ACLY: variants seen among roughly 807,000 people sequenced by gnomAD.
The protein encoded by ACLY is ATP-citrate synthase.
A neutral mutation model predicts 133.0 loss-of-function variants in ACLY; 41 were observed. That is an observed-to-expected ratio of 0.31 (90% CI 0.24 to 0.40). ACLY has a LOEUF of 0.40. Ranked by LOEUF, ACLY falls within the 10% of genes least tolerant of loss-of-function variation. The pLI is 1.00. For synonymous variants in ACLY, 495 were observed against 549.3 expected (o/e 0.90, Z 1.38); for missense variants, 1,046 against 1,453.8 (o/e 0.72, Z 4.56).
At chr17:41,925,458 A>G (rs1240082493) in intron 1 of ACLY, among the ~76,000 whole-genome samples, 1 of 150,818 alleles carries the variant, frequency 6.6e-6, no homozygotes, top group Non-Finnish European at 1.5e-5. Flanking sequence ...AAAAAACCCA[A>G]AAATTAGCAG....
chr17:41,874,574 C>CT lies in ACLY; in HGVS notation c.2488-610dup, dbSNP rs1172812451. Among the ~76,000 whole-genome samples, 1,280 of 130,358 alleles carry CT rather than the reference C, an allele frequency of 9.8e-3. 11 individuals are homozygous for CT. The highest frequency in any genetic ancestry group is 0.021 in the Admixed American group (266 of 12,790). The allele number at this position is 130,358 out of a possible 152,430, so 85.5% of individuals were successfully genotyped here. On this transcript the variant is annotated intron_variant, in intron 22 of 28. Transcript: ENST00000352035. The stretch of plus-strand genomic sequence containing the variant: ...AGGCGTGAGACCCAGTCCATTGCTT[C>CT]TTTTTTTTTTTTTTTTTGAGACGCA...
At chr17:41,899,679 A>G (rs1035610640) in intron 11 of ACLY, among the ~76,000 whole-genome samples, 1 of 152,180 alleles carries the variant, frequency 6.6e-6, no homozygotes, top group Admixed American at 6.5e-5. Context: ...TTTTAAGAGC[A>G]TGATCTGGTA....
In ACLY at chr17:41,907,589, G is replaced by A. The variant is rs375324022; in HGVS notation, c.617-17C>T. 2.5e-6 allele frequency: 4 copies of A among 1,611,042 alleles called. No individual in the cohort carries two copies. The African/African-American group carries it at 5.3e-5, about 22-fold the overall frequency. ...TGGTCACTACTTCAAGGGGAGCAGAGGCAATCATCAGACACCGGCTCTGGG... is the reference window on the plus strand; with the variant it reads ...TGGTCACTACTTCAAGGGGAGCAGAAGCAATCATCAGACACCGGCTCTGGG... On this transcript the variant is annotated splice_polypyrimidine_tract_variant and intron_variant, in intron 6 of 28. Transcript: ENST00000352035.
intron 14 of ACLY, among the ~76,000 whole-genome samples, chr17:41,893,409 G>A (rs1036455409): frequency 3.3e-5 from 5 of 152,212 alleles, no homozygotes; most frequent in Non-Finnish European, 7.3e-5. Context: ...CCTGCTAGCT[G>A]GTAAGTAGCT....
chr17:41,923,292 C>A (rs1284999103), upstream of ACLY, among the ~76,000 whole-genome samples: 4 of 152,224 alleles, frequency 2.6e-5, no homozygotes, highest in African/African-American at 9.7e-5. Flanking sequence ...GTTATAGGCA[C>A]CATCTCCAAG....
intron 11 of ACLY, among the ~76,000 whole-genome samples, chr17:41,899,234 G>A (rs147174249): frequency 3.1e-3 from 474 of 151,578 alleles, no homozygotes; most frequent in Non-Finnish European, 5.6e-3. Context: ...CTGAGATTGC[G>A]CCACTGCACT....
chr17:41,907,457 C>G lies in ACLY; in HGVS notation c.732G>C (p.Arg244=), dbSNP rs141704215. The change falls in exon 7 of 29, where the codon CGG becomes CGC. Residue 244 remains arginine (R), a synonymous_variant. Transcript: ENST00000352035. ...GDIEFPPPFG[R]EAYPEEAYIA... The stretch of plus-strand genomic sequence containing the variant: ...CCAGCCTTACCTCTGGATATGCCTC[C>G]CGCCCGAAGGGGGGAGGGAACTCGA... 5.6e-5 allele frequency: 91 copies of G among 1,613,996 alleles called. No individual in the cohort carries two copies. The African/African-American group carries it at 1.2e-3, about 21-fold the overall frequency.
chr17:41,899,670 T>C (rs1363089329), intron 11 of ACLY, among the ~76,000 whole-genome samples: 1 of 152,122 alleles, frequency 6.6e-6, no homozygotes, highest in Non-Finnish European at 1.5e-5. Context: ...ATGTTCTAAT[T>C]TTAAGAGCAT....
intron 18 of ACLY, 139 bp from the exon 19 acceptor site, chr17:41,884,413 C>T: frequency 1.7e-6 from 1 of 604,524 alleles, no homozygotes; most frequent in East Asian, 2.7e-5. Flanking sequence ...CAGAGATGCC[C>T]CAGCAATAAT....
chr17:41,875,723 C>T (rs567764670), intron 22 of ACLY, among the ~76,000 whole-genome samples: 349 of 152,296 alleles, frequency 2.3e-3, no homozygotes, highest in Middle Eastern at 6.8e-3. Context: ...GGATTGCAGA[C>T]GGAGTCTCGT....
intron 11 of ACLY, among the ~76,000 whole-genome samples, chr17:41,900,561 A>AT (rs546570598): frequency 5.6e-4 from 82 of 145,568 alleles, no homozygotes; most frequent in African/African-American, 7.0e-4. Flanking sequence ...CTCACAACAA[A>AT]TTTTTTTTTT....
intron 22 of ACLY, among the ~76,000 whole-genome samples, chr17:41,874,572 TTC>T (rs550779983): frequency 7.0e-6 from 1 of 141,870 alleles, no homozygotes; most frequent in Non-Finnish European, 1.5e-5. Flanking sequence ...AGTCCATTGC[TTC>T]TTTTTTTTTT....
intron 11 of ACLY, 107 bp downstream of exon 11, chr17:41,901,589 G>T (rs948331158): frequency 1.1e-6 from 1 of 895,764 alleles, no homozygotes; most frequent in Non-Finnish European, 1.8e-6. Context: ...CCAGGAAGGG[G>T]AGTAGAGAGC....
At chr17:41,904,529 C>A (rs1003215700) in intron 10 of ACLY, 200 bp downstream of exon 10, 19 of 587,828 alleles carry the variant, frequency 3.2e-5, no homozygotes, top group Non-Finnish European at 5.8e-5. Flanking sequence ...AGCTGCTTGC[C>A]CAGAGACACA....
chr17:41,896,512 C>T (rs2049370063), intron 14 of ACLY, 108 bp downstream of exon 14: 2 of 1,017,162 alleles, frequency 2.0e-6, no homozygotes, highest in African/African-American at 3.3e-5. Context: ...GAAAATAGAC[C>T]AGACGACACT....
chr17:41,876,433 G>A (rs1468673672), intron 22 of ACLY, among the ~76,000 whole-genome samples: 5 of 152,304 alleles, frequency 3.3e-5, no homozygotes, highest in Admixed American at 2.6e-4. Context: ...CTCATTGCGA[G>A]CGAGCCATGA....
chr17:41,884,506 G>T (rs1382270988), intron 18 of ACLY, among the ~76,000 whole-genome samples: 1 of 152,202 alleles, frequency 6.6e-6, no homozygotes, highest in African/African-American at 2.4e-5. Context: ...GGAAAAGACT[G>T]GGCACAAAAT....
upstream of ACLY, among the ~76,000 whole-genome samples, chr17:41,920,830 T>C (rs986864592): frequency 5.3e-5 from 8 of 151,852 alleles, no homozygotes; most frequent in Non-Finnish European, 1.0e-4. Flanking sequence ...CCTAGGTGGG[T>C]AGATCACCTG....
At chr17:41,904,379 AGGG>A in intron 10 of ACLY, 1 of 194,920 alleles carries the variant, frequency 5.1e-6, no homozygotes, top group Non-Finnish European at 1.0e-5. Flanking sequence ...AGGGAAGGGA[AGGG>A]AAGGGAAAGG....
Sources: allele counts gnomAD v4.1 joint callset (sites outside exome capture counted in the v4.1 genomes callset), GRCh38; gene constraint gnomAD v4.1.1; transcripts MANE v1.5; gene names NCBI Gene and HGNC (gene_info 2026-07-23, HGNC 2026-07-21).